Variants in BACH1 observed in about 807,000 individuals in gnomAD.
The protein encoded by BACH1 is BTB domain and CNC homolog 1, also known as transcription regulator protein BACH1.
Under a neutral mutation model 52.9 loss-of-function variants are expected in BACH1, and 35 were observed. That is an observed-to-expected ratio of 0.66 (90% CI 0.51 to 0.88). BACH1 has a LOEUF of 0.88. BACH1 is among the 40% of genes least tolerant of loss of function. The probability of loss-of-function intolerance (pLI) is 0.00; values close to 1 mark genes in which losing one functional copy is unlikely to be tolerated. For missense variants in BACH1, 808 were observed against 872.6 expected (o/e 0.93, Z 0.93); for synonymous variants, 321 against 319.6 (o/e 1.00, Z -0.05).
downstream of BACH1, among the ~76,000 whole-genome samples, chr21:29,346,420 A>G (rs1370153864): frequency 6.6e-6 from 1 of 152,204 alleles, no homozygotes; most frequent in African/African-American, 2.4e-5. Context: ...AAGTTTTAAA[A>G]ACTTATCTGC....
chr21:29,336,542 A>G (rs2089046376), intron 4 of BACH1, among the ~76,000 whole-genome samples: 1 of 152,180 alleles, frequency 6.6e-6, no homozygotes, highest in African/African-American at 2.4e-5. Context: ...GAATATGTTG[A>G]TGACCTTCAC....
intron 1 of BACH1, among the ~76,000 whole-genome samples, chr21:29,306,657 G>A (rs2088661487): frequency 6.6e-6 from 1 of 152,162 alleles, no homozygotes; most frequent in African/African-American, 2.4e-5. Flanking sequence ...GGGGTGAATG[G>A]TGTTGTGCAG....
chr21:29,342,950 A>C lies in BACH1; in HGVS notation c.*117A>C. 1 of 1,037,518 alleles carries C rather than the reference A, an allele frequency of 9.6e-7. No individual in the cohort carries two copies. The highest frequency in any genetic ancestry group is 2.1e-5 in the South Asian group (1 of 47,696). 64.3% of individuals were successfully genotyped at this position (1,037,518 alleles called of 1,614,324 possible). A position where few individuals can be genotyped will look rare whatever the true frequency, so the allele number is the denominator to read the frequency against. On this transcript the variant is annotated 3_prime_UTR_variant, in exon 5 of 5. Transcript: ENST00000286800. ...TACTGTTTTTTTCCTTTAGTAGTTT[A>C]CCATAAGGGAATTTCCTTTAAGTCA...
chr21:29,317,634 A>AT (rs1323154551), intron 1 of BACH1, among the ~76,000 whole-genome samples: 2 of 152,176 alleles, frequency 1.3e-5, no homozygotes, highest in Admixed American at 1.3e-4. Flanking sequence ...CGTGTTAAGG[A>AT]TTTTGAAGTG....
chr21:29,317,324 C>T (rs1173678292), intron 1 of BACH1, among the ~76,000 whole-genome samples: 1 of 152,206 alleles, frequency 6.6e-6, no homozygotes, highest in Non-Finnish European at 1.5e-5. Flanking sequence ...ACTAATTCAG[C>T]AGCATGTACC....
intron 2 of BACH1, among the ~76,000 whole-genome samples, chr21:29,325,816 A>G (rs1422373908): frequency 6.6e-6 from 1 of 152,166 alleles, no homozygotes; most frequent in Non-Finnish European, 1.5e-5. Flanking sequence ...AGTAAACCAT[A>G]ATTCATGTGC....
At chr21:29,340,164 C>A (rs1797042897) in intron 4 of BACH1, among the ~76,000 whole-genome samples, 1 of 152,182 alleles carries the variant, frequency 6.6e-6, no homozygotes, top group African/African-American at 2.4e-5. Context: ...ATACTGATGT[C>A]ATTAAGTAAT....
chr21:29,359,978 A>G lies in BACH1; in HGVS notation c.472+30285A>G, dbSNP rs543463174. ...ATTCACTGAGTCAGACTAAGGCATC[A>G]GTGACTATTCCTCTATTCATTCCAC... On this transcript the variant is annotated intron_variant, in intron 2 of 4. Transcript: ENST00000422809. Among the ~76,000 whole-genome samples the G allele has an allele frequency of 3.3e-5, 5 of 152,338 alleles. No homozygotes were observed. The East Asian group carries it at 9.7e-4, about 29-fold the overall frequency.
intron 4 of BACH1, among the ~76,000 whole-genome samples, chr21:29,340,099 A>T (rs1034347162): frequency 6.6e-6 from 1 of 152,252 alleles, no homozygotes; most frequent in Non-Finnish European, 1.5e-5. Flanking sequence ...GTAGCAGGAC[A>T]CTAATAGTGA....
chr21:29,322,489 A>T (rs756576830), intron 2 of BACH1, among the ~76,000 whole-genome samples: 7 of 152,150 alleles, frequency 4.6e-5, no homozygotes, highest in Non-Finnish European at 1.0e-4. Context: ...TTTCAGAGGA[A>T]TTCTCTTTTG....
intron 1 of BACH1, among the ~76,000 whole-genome samples, chr21:29,307,673 T>C (rs562671685): frequency 6.6e-6 from 1 of 152,344 alleles, no homozygotes; most frequent in East Asian, 1.9e-4. Flanking sequence ...ATAGTATATA[T>C]ATAGGGTTTG....
At position 29,342,534 on chromosome 21, in the gene BACH1, C is replaced by G. The variant is rs772971266; in HGVS notation, c.1912C>G (p.Leu638Val). 6.2e-7 allele frequency: 1 copy of G among 1,614,214 alleles called. No individual in the cohort carries two copies. The highest frequency in any genetic ancestry group is 1.1e-5 in the South Asian group (1 of 91,088). ...TCTGAGTCAAGAACAAATACAGATA[C>G]TCGCCAAGTACTCAGCTGCAGATTG... ...AALSQEQIQI[L>V]AKYSAADCPL... The change falls in exon 5 of 5, where the codon CTC (leucine) becomes GTC (valine). Residue 638 changes from leucine to valine, a missense_variant. Leu to Val is a conservative substitution (Grantham distance 32, BLOSUM62 1). Transcript: ENST00000286800.
intron 1 of BACH1, among the ~76,000 whole-genome samples, chr21:29,316,759 C>CAT (rs1487652713): frequency 1.3e-5 from 2 of 152,162 alleles, no homozygotes; most frequent in Non-Finnish European, 2.9e-5. Context: ...GACTGTAGGT[C>CAT]ATATATATTG....
chr21:29,334,922 C>A (rs1223460388), intron 4 of BACH1, among the ~76,000 whole-genome samples: 1 of 152,208 alleles, frequency 6.6e-6, no homozygotes, highest in Non-Finnish European at 1.5e-5. Context: ...GGAACCTGCC[C>A]TCTGTCATTC....
At chr21:29,306,887 GT>G (rs2088663949) in intron 1 of BACH1, among the ~76,000 whole-genome samples, 3 of 151,972 alleles carry the variant, frequency 2.0e-5, no homozygotes, top group Non-Finnish European at 2.9e-5. Context: ...TGCCAATTTT[GT>G]CAATAAATAT....
intron 1 of BACH1, among the ~76,000 whole-genome samples, chr21:29,308,803 C>A (rs1043807838): frequency 6.6e-6 from 1 of 152,180 alleles, no homozygotes; most frequent in African/African-American, 2.4e-5. Context: ...TTGAAAGTAA[C>A]TTGTAGTGAA....
chr21:29,324,556 T>TTGTGTGTGTG (rs59785894), intron 2 of BACH1, among the ~76,000 whole-genome samples: 245 of 145,304 alleles, frequency 1.7e-3, no homozygotes, highest in Admixed American at 2.9e-3. Context: ...TGGATGTACC[T>TTGTGTGTGTG]TGTGTGTGTG....
chr21:29,333,483 T>G (rs1284363275), intron 4 of BACH1, among the ~76,000 whole-genome samples: 1 of 152,228 alleles, frequency 6.6e-6, no homozygotes, highest in African/African-American at 2.4e-5. Flanking sequence ...TAAGGGAAAT[T>G]GCTTGTTTAA....
intron 1 of BACH1, among the ~76,000 whole-genome samples, chr21:29,304,852 G>A (rs910330060): frequency 2.0e-5 from 3 of 152,142 alleles, no homozygotes; most frequent in African/African-American, 4.8e-5. Flanking sequence ...GTGTGCCAGC[G>A]TCTTTCAGAA....
Sources: allele counts gnomAD v4.1 joint callset (sites outside exome capture counted in the v4.1 genomes callset), GRCh38; gene constraint gnomAD v4.1.1; transcripts MANE v1.5; gene names NCBI Gene and HGNC (gene_info 2026-07-23, HGNC 2026-07-21).